Variants in ADH7 observed in about 807,000 individuals in gnomAD.
The protein encoded by ADH7 is alcohol dehydrogenase 7 (class IV), mu or sigma polypeptide.
Under a neutral mutation model 34.4 loss-of-function variants are expected in ADH7, and 41 were observed. The observed-to-expected ratio is 1.19, with a 90% CI of 0.93 to 1.55. The LOEUF (loss-of-function observed/expected upper bound fraction) is 1.55, where lower values mean the gene tolerates loss of function less well. Among genes scored for constraint, ADH7 ranks in the 40% most tolerant of loss-of-function variants. The pLI is 0.00. For missense variants in ADH7, 540 were observed against 461.2 expected (o/e 1.17, Z -1.56); for synonymous variants, 180 against 160.9 (o/e 1.12, Z -0.90).
rs1722020254 is a variant in ADH7, at chr4:99,435,215, C to T, written c.18+1G>A. On this transcript the variant is annotated splice_donor_variant, in intron 1 of 8. Coordinates refer to ENST00000437033, the MANE Select transcript of ADH7 (RefSeq NM_000673.7). LOFTEE classifies it high-confidence loss of function. The stretch of plus-strand genomic sequence containing the variant: ...GGAGGGGACAGAAATGTTCCACTTA[C>T]TTTTCCAGCAGTGCCCATCCTGTCT... 1.9e-6 allele frequency: 3 copies of T among 1,613,204 alleles called. No individual in the cohort carries two copies. The highest frequency in any genetic ancestry group is 2.5e-6 in the Non-Finnish European group (3 of 1,179,662).
chr4:99,427,036 A>T (rs1199896026), intron 5 of ADH7, among the ~76,000 whole-genome samples: 1 of 152,204 alleles, frequency 6.6e-6, no homozygotes, highest in Non-Finnish European at 1.5e-5. Context: ...ACTCTCAATA[A>T]ACTAGGTATT....
chr4:99,433,224 A>T (rs953402963), intron 1 of ADH7, among the ~76,000 whole-genome samples: 2 of 152,262 alleles, frequency 1.3e-5, no homozygotes, highest in African/African-American at 4.8e-5. Flanking sequence ...TACAAAGGAA[A>T]ATACATAAAC....
intron 1 of ADH7, chr4:99,432,545 A>C (rs1014510289): frequency 2.0e-5 from 3 of 152,166 alleles, no homozygotes; most frequent in African/African-American, 7.2e-5. Flanking sequence ...AATTTTCCAC[A>C]TTGACATCAA....
intron 6 of ADH7, among the ~76,000 whole-genome samples, chr4:99,420,245 A>C (rs1344654103): frequency 1.3e-5 from 2 of 152,168 alleles, no homozygotes; most frequent in Non-Finnish European, 1.5e-5. Context: ...TACATATACA[A>C]GGAAGATCCT....
At chr4:99,424,904 A>G (rs1721763105) in intron 5 of ADH7, among the ~76,000 whole-genome samples, 1 of 152,262 alleles carries the variant, frequency 6.6e-6, no homozygotes, top group Admixed American at 6.5e-5. Flanking sequence ...CAGAACTTCC[A>G]ACACTATGTT....
chr4:99,413,052 T>C lies in ADH7; in HGVS notation c.*96A>G. The C allele has an allele frequency of 7.9e-7, 1 of 1,272,690 alleles. No individual in the cohort carries two copies. The highest frequency in any genetic ancestry group is 1.2e-5 in the South Asian group (1 of 80,648). 78.8% of individuals were successfully genotyped at this position (1,272,690 alleles called of 1,614,324 possible). The stretch of plus-strand genomic sequence containing the variant: ...TCAACAAATCTTCTACTTATGCTTG[T>C]ATTTGTGAGACAGATACATGATTTC... On this transcript the variant is annotated 3_prime_UTR_variant, in exon 9 of 9. Coordinates refer to ENST00000437033, the MANE Select transcript of ADH7 (RefSeq NM_000673.7).
intron 5 of ADH7, among the ~76,000 whole-genome samples, chr4:99,422,528 C>A (rs1014087988): frequency 5.5e-5 from 8 of 146,048 alleles, no homozygotes; most frequent in African/African-American, 1.7e-4. Context: ...GGGGAGGGAA[C>A]CTGGAGGACG....
chr4:99,414,826 T>C (rs2851011), intron 8 of ADH7, among the ~76,000 whole-genome samples: 116,680 of 152,072 alleles, frequency 0.77, 45,198 homozygotes, highest in African/African-American at 0.81. Flanking sequence ...ATTTTGTGGC[T>C]TACTTGAAAT....
At chr4:99,421,837 T>A (rs1721671022) in intron 5 of ADH7, among the ~76,000 whole-genome samples, 1 of 151,996 alleles carries the variant, frequency 6.6e-6, no homozygotes. Flanking sequence ...CCAAAAGTGG[T>A]CACAGGATAT....
intron 5 of ADH7, among the ~76,000 whole-genome samples, chr4:99,423,825 G>C (rs1048128918): frequency 1.3e-5 from 2 of 152,118 alleles, no homozygotes; most frequent in Non-Finnish European, 2.9e-5. Context: ...CCATTTTATA[G>C]GTTGTCTGTT....
chr4:99,431,122 T>G (rs1441752452), intron 1 of ADH7, among the ~76,000 whole-genome samples: 5 of 152,202 alleles, frequency 3.3e-5, no homozygotes, highest in Non-Finnish European at 7.3e-5. Flanking sequence ...AAAGTCAAAC[T>G]ATTTTATCAA....
chr4:99,415,106 T>A (rs1189087520), intron 8 of ADH7, among the ~76,000 whole-genome samples: 7 of 152,160 alleles, frequency 4.6e-5, no homozygotes, highest in Admixed American at 4.6e-4. Context: ...TTTCACAAGA[T>A]CTGATGGTTT....
Position 99,427,760 on chromosome 4 carries a change from C to A in ADH7, c.564+13G>T, listed in dbSNP as rs747677354. 1 of 1,500,460 alleles carries A rather than the reference C, an allele frequency of 6.7e-7. No individual in the cohort carries two copies. The highest frequency in any genetic ancestry group is 8.9e-7 in the Non-Finnish European group (1 of 1,122,292). The allele number at this position is 1,500,460 out of a possible 1,614,324, so 92.9% of individuals were successfully genotyped here. On this transcript the variant is annotated intron_variant, in intron 5 of 8. Transcript: ENST00000437033. ...AAAGAAGAACAAATAAACTAGCCTA[C>A]CCTGTTTCTTACCTTGCCAGTTTTA...
chr4:99,427,778 C>T lies in ADH7; in HGVS notation c.559G>A (p.Gly187Ser). The change falls in exon 5 of 9, where the codon GGC (glycine) becomes AGC (serine). Residue 187 changes from glycine to serine, a missense_variant. Coordinates refer to ENST00000437033, the MANE Select transcript of ADH7 (RefSeq NM_000673.7). The stretch of plus-strand genomic sequence containing the variant: ...TAGCCTACCCTGTTTCTTACCTTGC[C>T]AGTTTTAACAGCAGCGCCATATCCA... ...STGYGAAVKT[G>S]KVKPGSTCVV... The T allele has an allele frequency of 3.3e-6, 5 of 1,529,716 alleles. No individual in the cohort carries two copies. The highest frequency in any genetic ancestry group is 4.4e-6 in the Non-Finnish European group (5 of 1,138,448). 94.8% of individuals were successfully genotyped at this position (1,529,716 alleles called of 1,614,324 possible). A position where few individuals can be genotyped will look rare whatever the true frequency, so the allele number is the denominator to read the frequency against.
intron 2 of ADH7, 73 bp from the exon 3 acceptor site, chr4:99,428,703 C>T: frequency 6.6e-7 from 1 of 1,514,818 alleles, no homozygotes; most frequent in Non-Finnish European, 8.9e-7. Flanking sequence ...TATTTAACTT[C>T]TTGAAGAAAT....
chr4:99,415,767 C>T (rs1721502760), intron 7 of ADH7, 151 bp from the exon 8 acceptor site: 2 of 743,428 alleles, frequency 2.7e-6, no homozygotes, highest in South Asian at 5.4e-5. Context: ...TTTGTCCCAG[C>T]ATAAGAAACA....
chr4:99,429,990 T>C (rs1271446354), intron 1 of ADH7, among the ~76,000 whole-genome samples: 7 of 152,218 alleles, frequency 4.6e-5, no homozygotes, highest in African/African-American at 1.7e-4. Context: ...TCTAATAGAT[T>C]AACAAAATTG....
At chr4:99,417,809 C>T (rs1240561370) in intron 7 of ADH7, among the ~76,000 whole-genome samples, 1 of 152,156 alleles carries the variant, frequency 6.6e-6, no homozygotes, top group Non-Finnish European at 1.5e-5. Flanking sequence ...CTATAATCTT[C>T]CCACTTCCCA....
chr4:99,416,151 T>C (rs1333243214), intron 7 of ADH7, among the ~76,000 whole-genome samples: 4 of 151,916 alleles, frequency 2.6e-5, no homozygotes, highest in African/African-American at 7.3e-5. Context: ...AAAATTAAAT[T>C]AAATTAAAAA....
Sources: allele counts gnomAD v4.1 joint callset (sites outside exome capture counted in the v4.1 genomes callset), GRCh38; gene constraint gnomAD v4.1.1; transcripts MANE v1.5; gene names NCBI Gene and HGNC (gene_info 2026-07-23, HGNC 2026-07-21).